Variants in TRHDE observed in about 807,000 individuals in gnomAD.
The protein encoded by TRHDE is thyrotropin releasing hormone degrading enzyme.
Under a neutral mutation model 125.7 loss-of-function variants are expected in TRHDE, and 72 were observed. The ratio of observed to expected loss-of-function variants is 0.57; its 90% CI spans 0.47 to 0.70. The LOEUF (loss-of-function observed/expected upper bound fraction) is 0.70. Among genes scored for constraint, TRHDE ranks in the 30% least tolerant of loss-of-function variants. The pLI, the probability that TRHDE is intolerant of heterozygous loss-of-function variation, is 0.00. For missense variants in TRHDE, 1,110 were observed against 1,327.1 expected, an observed-to-expected ratio of 0.84 and a Z score of 2.54; for synonymous variants, 509 against 509.1, an observed-to-expected ratio of 1.00 and a Z score of 0.00.
chr12:72,517,595 G>C (rs1878944153), intron 6 of TRHDE, among the ~76,000 whole-genome samples: 1 of 152,048 alleles, frequency 6.6e-6, no homozygotes, highest in African/African-American at 2.4e-5. Context: ...CAAAAAACCA[G>C]CTCCTGGATT....
intron 2 of TRHDE, among the ~76,000 whole-genome samples, chr12:72,188,710 A>AT (rs762194085): frequency 1.4e-4 from 21 of 152,258 alleles, no homozygotes; most frequent in Admixed American, 3.3e-4. Context: ...AAGAAATCTG[A>AT]TTTTTTTTGT....
At position 72,562,181 on chromosome 12, in the gene TRHDE, A is replaced by G; in HGVS notation, c.1805A>G (p.His602Arg). Residue 602 changes from histidine (H) to arginine (R), a missense_variant, in exon 8 of 19, where the codon CAT (histidine) becomes CGT (arginine). Around this residue, in one of 5 missense-constraint regions of TRHDE, gnomAD observed 527 missense variants for 651.8 expected, o/e 0.81. Coordinates refer to ENST00000261180, the MANE Select transcript of TRHDE (RefSeq NM_013381.3). ...QRGLQDYLTI[H>R]KYGNAARNDL... ...TTCTTGTAGGATTATTTAACCATTCATAAGTATGGTAATGCAGCCAGAAAT... is the reference window on the plus strand; with the variant it reads ...TTCTTGTAGGATTATTTAACCATTCGTAAGTATGGTAATGCAGCCAGAAAT... 1 of 1,543,764 alleles carries G rather than the reference A, an allele frequency of 6.5e-7. No homozygotes were observed. Among genetic ancestry groups the G allele is most frequent in the Non-Finnish European group, 8.9e-7 (1 of 1,121,256 alleles).
chr12:72,187,468 G>GTGGTC (rs2139346293), intron 2 of TRHDE, among the ~76,000 whole-genome samples: 2 of 144,572 alleles, frequency 1.4e-5, no homozygotes, highest in South Asian at 2.3e-4. Context: ...TGGTGGTGGT[G>GTGGTC]GTTGTGGTCG....
intron 2 of TRHDE, among the ~76,000 whole-genome samples, chr12:72,148,117 T>A (rs1467187447): frequency 6.6e-6 from 1 of 152,200 alleles, no homozygotes; most frequent in Non-Finnish European, 1.5e-5. Flanking sequence ...GACAAAAAGA[T>A]CTCAGAGAGG....
At chr12:72,430,457 GTA>G (rs545227306) in intron 3 of TRHDE, among the ~76,000 whole-genome samples, 1 of 146,660 alleles carries the variant, frequency 6.8e-6, no homozygotes, top group African/African-American at 2.5e-5. Flanking sequence ...ATATATATGT[GTA>G]TATATATACA....
chr12:72,463,238 A>G (rs564869153), intron 3 of TRHDE, among the ~76,000 whole-genome samples: 4 of 152,294 alleles, frequency 2.6e-5, no homozygotes, highest in Non-Finnish European at 5.9e-5. Context: ...TAGGATATTT[A>G]TTTCTTCAGC....
intron 3 of TRHDE, among the ~76,000 whole-genome samples, chr12:72,428,974 C>T (rs533492886): frequency 9.2e-5 from 14 of 151,872 alleles, no homozygotes; most frequent in African/African-American, 1.9e-4. Flanking sequence ...AGATATACCA[C>T]GTTTTGTGAC....
chr12:72,281,046 C>A (rs1259287555), intron 1 of TRHDE, among the ~76,000 whole-genome samples: 1 of 152,146 alleles, frequency 6.6e-6, no homozygotes, highest in East Asian at 1.9e-4. Context: ...TTTTGGTAAG[C>A]ATATTTAGTA....
chr12:72,332,202 G>A lies in TRHDE; in HGVS notation c.1188+45248G>A, dbSNP rs534723706. The stretch of plus-strand genomic sequence containing the variant: ...CATCCAGGCTGGAGTGCAGTGCCAC[G>A]ATCTCGGCTCACTGCAAGCTCCACC... On this transcript the variant is annotated intron_variant, in intron 2 of 18. Coordinates refer to ENST00000261180, the MANE Select transcript of TRHDE (RefSeq NM_013381.3). Among the ~76,000 whole-genome samples the A allele has an allele frequency of 1.0e-3, 152 of 152,090 alleles. 1 individual carries two copies. In the Middle Eastern group the frequency reaches 0.01, roughly 10 times the overall value.
chr12:72,177,134 T>A (rs1453684597), intron 2 of TRHDE, among the ~76,000 whole-genome samples: 5 of 152,076 alleles, frequency 3.3e-5, no homozygotes, highest in Non-Finnish European at 5.9e-5. Context: ...TTTTTTTTTT[T>A]ATTGGAAATT....
At chr12:72,100,474 A>T (rs187930151) in intron 1 of TRHDE, among the ~76,000 whole-genome samples, 91 of 152,330 alleles carry the variant, frequency 6.0e-4, no homozygotes, top group African/African-American at 2.1e-3. Flanking sequence ...TACCATTAAT[A>T]AATGTTTACT....
chr12:72,455,971 C>G (rs1340943936), intron 3 of TRHDE, among the ~76,000 whole-genome samples: 1 of 151,634 alleles, frequency 6.6e-6, no homozygotes, highest in East Asian at 1.9e-4. Flanking sequence ...TAATCTTAAT[C>G]CTACATATAT....
chr12:72,195,361 C>T (rs1414842016), intron 2 of TRHDE, among the ~76,000 whole-genome samples: 1 of 152,108 alleles, frequency 6.6e-6, no homozygotes, highest in Non-Finnish European at 1.5e-5. Context: ...ATTTACATTC[C>T]CACCAGCAGT....
intron 3 of TRHDE, among the ~76,000 whole-genome samples, chr12:72,448,695 T>C (rs1349803423): frequency 1.3e-5 from 2 of 151,936 alleles, no homozygotes; most frequent in Non-Finnish European, 2.9e-5. Flanking sequence ...TGTAAAATGC[T>C]ATTACAGGTT....
chr12:72,627,095 G>A (rs1171873589), intron 15 of TRHDE, among the ~76,000 whole-genome samples: 3 of 151,838 alleles, frequency 2.0e-5, no homozygotes, highest in African/African-American at 4.8e-5. Flanking sequence ...AGGGCTGCCC[G>A]CCCTTCCAAT....
intron 12 of TRHDE, among the ~76,000 whole-genome samples, chr12:72,587,606 A>G (rs1871496068): frequency 6.6e-6 from 1 of 152,096 alleles, no homozygotes; most frequent in Non-Finnish European, 1.5e-5. Context: ...ATGGTGTCAT[A>G]TTAAAAAAAT....
chr12:72,164,596 C>A (rs1876705441), intron 2 of TRHDE, among the ~76,000 whole-genome samples: 2 of 152,100 alleles, frequency 1.3e-5, no homozygotes, highest in South Asian at 4.1e-4. Flanking sequence ...AGTGGGCTGG[C>A]TAGACAAGTT....
At chr12:72,326,843 C>T (rs1335089824) in intron 2 of TRHDE, among the ~76,000 whole-genome samples, 1 of 152,086 alleles carries the variant, frequency 6.6e-6, no homozygotes, top group African/African-American at 2.4e-5. Context: ...GCTACATTGC[C>T]CTTACTTTTT....
At chr12:72,397,701 T>C (rs1592415997) in intron 3 of TRHDE, among the ~76,000 whole-genome samples, 1 of 152,290 alleles carries the variant, frequency 6.6e-6, no homozygotes, top group Admixed American at 6.5e-5. Context: ...TTTGGAAATA[T>C]GTTCAAGTGC....
Sources: gnomAD v4.1 joint callset for allele counts (sites outside exome capture counted in the v4.1 genomes callset) on GRCh38, gnomAD v4.1.1 for gene constraint, gnomAD v4.1.1 regional missense constraint, MANE v1.5 for transcripts, NCBI Gene and HGNC (gene_info 2026-07-23, HGNC 2026-07-21) for gene names.